The following PCDHA5 variants were observed in gnomAD, a reference collection of about 807,000 sequenced individuals.
PCDHA5 encodes protocadherin alpha-5.
PCDHA5 carries 43 observed loss-of-function variants against 61.6 expected under a neutral mutation model. The ratio of observed to expected loss-of-function variants is 0.70; its 90% CI spans 0.55 to 0.90. The LOEUF (loss-of-function observed/expected upper bound fraction) is 0.90, where lower values mean the gene tolerates loss of function less well. Among genes scored for constraint, PCDHA5 ranks in the 40% least tolerant of loss-of-function variants. The pLI is 0.00. For synonymous variants in PCDHA5, 627 were observed against 543.9 expected (o/e 1.15, Z -2.13); for missense variants, 1,298 against 1,222.7 (o/e 1.06, Z -0.92).
intron 1 of PCDHA5, among the ~76,000 whole-genome samples, chr5:140,934,122 TATTA>T (rs2153618298): frequency 6.6e-6 from 1 of 152,300 alleles, no homozygotes; most frequent in East Asian, 1.9e-4. Flanking sequence ...TTTCATACTT[TATTA>T]ATTTATTTCC....
intron 1 of PCDHA5, chr5:140,858,165 C>T: frequency 6.3e-7 from 1 of 1,597,786 alleles, no homozygotes; most frequent in Non-Finnish European, 8.6e-7. Context: ...TGCGCGGTGT[C>T]CAGCTTGCTG....
chr5:140,968,682 C>T, intron 1 of PCDHA5: 1 of 1,614,128 alleles, frequency 6.2e-7, no homozygotes, highest in Non-Finnish European at 8.5e-7. Flanking sequence ...GAGCTGCACA[C>T]AGGAGAAATT....
chr5:140,896,046 G>A (rs1430238321), intron 1 of PCDHA5, among the ~76,000 whole-genome samples: 2 of 151,866 alleles, frequency 1.3e-5, no homozygotes, highest in East Asian at 1.9e-4. Context: ...CCTGACCTCA[G>A]GTGATCCGCC....
chr5:140,900,424 C>T (rs557118930), intron 1 of PCDHA5, among the ~76,000 whole-genome samples: 151 of 152,214 alleles, frequency 9.9e-4, no homozygotes, highest in African/African-American at 3.3e-3. Flanking sequence ...ATTATAGGCA[C>T]GTGCCACCAC....
intron 1 of PCDHA5, among the ~76,000 whole-genome samples, chr5:140,902,823 G>A (rs182466889): frequency 1.6e-3 from 246 of 151,864 alleles, no homozygotes; most frequent in Non-Finnish European, 2.9e-3. Flanking sequence ...TTTGGTTTTC[G>A]ATTTCTGAGT....
rs1554262683 is a variant in PCDHA5 at position 141,010,108 on chromosome 5, G to A, written c.*171G>A. 23 of 1,611,296 alleles carry A rather than the reference G, an allele frequency of 1.4e-5. No homozygotes were observed. Among genetic ancestry groups the A allele is most frequent in the East Asian group, 4.5e-5 (2 of 44,852 alleles). On this transcript the variant is annotated 3_prime_UTR_variant, in exon 4 of 4. Transcript: ENST00000529859. ...TAGAACGCATTTAACAGGTTTTGTC[G>A]TAAAAGCTTTACTAAGTCTGGTGTT...
chr5:140,976,927 G>A (rs1322531610), intron 1 of PCDHA5, among the ~76,000 whole-genome samples: 2 of 152,184 alleles, frequency 1.3e-5, no homozygotes, highest in Admixed American at 1.3e-4. Context: ...CTAGTACTGT[G>A]TAGCTACTTA....
intron 1 of PCDHA5, among the ~76,000 whole-genome samples, chr5:140,901,939 A>G (rs1583441166): frequency 6.6e-6 from 1 of 151,884 alleles, no homozygotes; most frequent in Non-Finnish European, 1.5e-5. Flanking sequence ...TCCTAGGTAT[A>G]TTTAGTTTTA....
intron 3 of PCDHA5, among the ~76,000 whole-genome samples, chr5:140,996,427 G>A (rs1479947811): frequency 6.6e-6 from 1 of 152,176 alleles, no homozygotes; most frequent in Non-Finnish European, 1.5e-5. Context: ...GAAAACTTTG[G>A]GAATAGTCAG....
At chr5:140,922,391 G>T (rs1354789717) in intron 1 of PCDHA5, among the ~76,000 whole-genome samples, 1 of 152,182 alleles carries the variant, frequency 6.6e-6, no homozygotes, top group Non-Finnish European at 1.5e-5. Context: ...AAGACTCCTT[G>T]TTTTGGATTA....
intron 1 of PCDHA5, among the ~76,000 whole-genome samples, chr5:140,885,665 G>A (rs2060682140): frequency 6.6e-6 from 1 of 152,114 alleles, no homozygotes; most frequent in Non-Finnish European, 1.5e-5. Flanking sequence ...CCAGTTATGA[G>A]CACTCTTTCT....
chr5:140,836,399 C>T (rs2150259749), intron 1 of PCDHA5: 3 of 1,613,764 alleles, frequency 1.9e-6, no homozygotes, highest in Admixed American at 3.3e-5. Flanking sequence ...TGGTGGAAAG[C>T]GGCCAGGCAC....
intron 1 of PCDHA5, chr5:140,967,921 C>T (rs781932025): frequency 6.2e-6 from 10 of 1,614,172 alleles, no homozygotes; most frequent in South Asian, 4.4e-5. Flanking sequence ...CCATTGTGGC[C>T]GTTCTCAGTG....
At chr5:140,924,894 CAAAAA>C (rs782133089) in intron 1 of PCDHA5, among the ~76,000 whole-genome samples, 149 of 71,508 alleles carry the variant, frequency 2.1e-3, no homozygotes, top group African/African-American at 5.7e-3. Context: ...GAACCTGTCT[CAAAAA>C]AAAAAATAAA....
chr5:140,948,517 C>A (rs2094265494), intron 1 of PCDHA5, among the ~76,000 whole-genome samples: 1 of 151,496 alleles, frequency 6.6e-6, no homozygotes. Flanking sequence ...AAAATGTTAA[C>A]ACTATTTATA....
chr5:140,912,794 C>T (rs1554195532), intron 1 of PCDHA5, among the ~76,000 whole-genome samples: 1 of 151,998 alleles, frequency 6.6e-6, no homozygotes, highest in South Asian at 2.1e-4. Context: ...TGCCAATTTT[C>T]TTGAGGGTTT....
At position 140,855,991 on chromosome 5, in the gene PCDHA5, A is replaced by C; in HGVS notation, c.2352+31864A>C. On this transcript the variant is annotated intron_variant, in intron 1 of 3. Coordinates refer to ENST00000529859, the MANE Select transcript of PCDHA5 (RefSeq NM_018908.3). ...TAAGAAATAGGACAGAAAATGTCAG[A>C]TCGTATGTGCGTTCTAGACCGCTGA... 2.0e-6 allele frequency: 3 copies of C among 1,492,426 alleles called. 1 individual carries two copies. In the South Asian group the frequency reaches 3.9e-5, roughly 20 times the overall value. 92.4% of individuals were successfully genotyped at this position (1,492,426 alleles called of 1,614,324 possible). A position where few individuals can be genotyped will look rare whatever the true frequency, so the allele number is the denominator to read the frequency against.
At chr5:140,928,809 GGACCATGGA>G (rs1563109708) in intron 1 of PCDHA5, 1 of 1,614,078 alleles carries the variant, frequency 6.2e-7, no homozygotes, top group Non-Finnish European at 8.5e-7. Flanking sequence ...TAGTGGTTCG[GGACCATGGA>G]GACCCACCAC....
Position 140,822,056 on chromosome 5 carries a change from T to A in PCDHA5, c.281T>A (p.Leu94Gln), listed in dbSNP as rs2150113263. 3 of 1,614,216 alleles carry A rather than the reference T, an allele frequency of 1.9e-6. No individual in the cohort carries two copies. Among genetic ancestry groups the A allele is most frequent in the African/African-American group, 1.3e-5 (1 of 75,066 alleles). ...FVNSRIDREE[L>Q]CRRRAECSIH... ...AATTCTCGGATCGACCGGGAGGAGC[T>A]GTGCCGGCGGAGGGCGGAGTGCAGC... The change falls in exon 1 of 4, where the codon CTG becomes CAG. Residue 94 changes from leucine to glutamine, a missense_variant. Transcript: ENST00000529859.
Sources: gnomAD v4.1 joint callset for allele counts (sites outside exome capture counted in the v4.1 genomes callset) on GRCh38, gnomAD v4.1.1 for gene constraint, MANE v1.5 for transcripts, NCBI Gene and HGNC (gene_info 2026-07-23, HGNC 2026-07-21) for gene names.